Variants in FRMPD4 observed in about 807,000 individuals in gnomAD.
FRMPD4 encodes the protein FERM and PDZ domain containing 4.
Under a neutral mutation model 94.1 loss-of-function variants are expected in FRMPD4, and 22 were observed. The ratio of observed to expected loss-of-function variants is 0.23; its 90% CI spans 0.17 to 0.33. The LOEUF (loss-of-function observed/expected upper bound fraction) is 0.33, where lower values mean the gene tolerates loss of function less well. FRMPD4 is among the 10% of genes least tolerant of loss of function. FRMPD4 has a pLI of 1.00. For synonymous variants in FRMPD4, 631 were observed against 548.6 expected (o/e 1.15, Z -2.10); for missense variants, 1,111 against 1,339.9 (o/e 0.83, Z 2.67).
chrX:11,844,303 T>G (rs2053560827), intron 1 of FRMPD4, among the ~76,000 whole-genome samples: 1 of 111,134 alleles, frequency 9.0e-6, no homozygotes, highest in African/African-American at 3.3e-5. Context: ...GGCCTGATAG[T>G]TATGAATTCT....
At chrX:12,317,765 T>A (rs2055148633) in intron 1 of FRMPD4, among the ~76,000 whole-genome samples, 1 of 111,430 alleles carries the variant, frequency 9.0e-6, no homozygotes, top group South Asian at 3.8e-4. Context: ...TGAGATATCA[T>A]CTCACCCCAG....
At chrX:12,137,810 T>A (rs944240305), upstream of FRMPD4, among the ~76,000 whole-genome samples, 2 of 111,761 alleles carry the variant, frequency 1.8e-5, no homozygotes, top group African/African-American at 6.6e-5. Context: ...GGCAAGGTTT[T>A]GTTTTGTTTT....
At chrX:12,311,357 C>G (rs1423713231) in intron 1 of FRMPD4, among the ~76,000 whole-genome samples, 1 of 112,316 alleles carries the variant, frequency 8.9e-6, no homozygotes. Context: ...AATATTTAAA[C>G]TCCATAAAAT....
upstream of FRMPD4, among the ~76,000 whole-genome samples, chrX:12,136,922 CACAT>C (rs774491553): frequency 1.1e-3 from 116 of 103,439 alleles, 1 homozygote; most frequent in South Asian, 0.016. Context: ...CACACACACA[CACAT>C]ACACACACAC....
chrX:12,400,802 G>T (rs2056599701), intron 1 of FRMPD4, among the ~76,000 whole-genome samples: 1 of 112,141 alleles, frequency 8.9e-6, no homozygotes, highest in South Asian at 3.7e-4. Flanking sequence ...AATTTGTGAT[G>T]ACACTGATTT....
intron 14 of FRMPD4, among the ~76,000 whole-genome samples, chrX:12,715,002 A>G (rs1045985732): frequency 8.9e-6 from 1 of 112,259 alleles, no homozygotes; most frequent in African/African-American, 3.2e-5. Context: ...TCTTAGGTAA[A>G]ACTGCACTTT....
intron 3 of FRMPD4, among the ~76,000 whole-genome samples, chrX:12,003,964 C>T (rs2054537561): frequency 8.9e-6 from 1 of 111,849 alleles, no homozygotes; most frequent in East Asian, 2.8e-4. Flanking sequence ...CTCATCTCTC[C>T]TTCCTTCTAC....
chrX:12,160,671 A>G (rs1453934386), intron 1 of FRMPD4, among the ~76,000 whole-genome samples: 1 of 111,756 alleles, frequency 8.9e-6, no homozygotes, highest in African/African-American at 3.3e-5. Flanking sequence ...TACTGCCCCA[A>G]GATATAATTA....
chrX:12,196,642 A>T (rs916970910), intron 1 of FRMPD4, among the ~76,000 whole-genome samples: 35 of 108,102 alleles, frequency 3.2e-4, no homozygotes, highest in East Asian at 2.3e-3. Context: ...TATATATATA[A>T]AAAATATATT....
intron 1 of FRMPD4, among the ~76,000 whole-genome samples, chrX:12,299,924 G>A (rs1282332156): frequency 8.9e-6 from 1 of 112,031 alleles, no homozygotes; most frequent in East Asian, 2.8e-4. Context: ...TTAAAGTAGG[G>A]GATAATCAAG....
intron 3 of FRMPD4, among the ~76,000 whole-genome samples, chrX:12,115,981 G>A (rs967843655): frequency 1.8e-5 from 2 of 111,963 alleles, no homozygotes; most frequent in East Asian, 2.8e-4. Context: ...CTAACATCCC[G>A]ATTATACAGT....
chrX:11,962,462 T>A (rs1156364566), intron 3 of FRMPD4, among the ~76,000 whole-genome samples: 1 of 111,839 alleles, frequency 8.9e-6, no homozygotes, highest in African/African-American at 3.3e-5. Context: ...TTTAACACTA[T>A]CACATTGGGT....
chrX:11,923,744 A>G (rs1043497395), intron 3 of FRMPD4, among the ~76,000 whole-genome samples: 1 of 112,441 alleles, frequency 8.9e-6, no homozygotes, highest in African/African-American at 3.2e-5. Flanking sequence ...CAAGGTCATC[A>G]AATAGGATAA....
chrX:12,032,097 G>A (rs969078175), intron 3 of FRMPD4, among the ~76,000 whole-genome samples: 1 of 112,052 alleles, frequency 8.9e-6, no homozygotes, highest in African/African-American at 3.2e-5. Flanking sequence ...AAATAAACAT[G>A]CATGCTTGGA....
chrX:12,363,342 G>A (rs1443582619), intron 1 of FRMPD4, among the ~76,000 whole-genome samples: 1 of 112,673 alleles, frequency 8.9e-6, no homozygotes, highest in Admixed American at 9.3e-5. Context: ...AGGCCCATAT[G>A]TCAAGTATTA....
At chrX:11,847,813 A>C (rs1348968710) in intron 1 of FRMPD4, among the ~76,000 whole-genome samples, 11 of 96,976 alleles carry the variant, frequency 1.1e-4, no homozygotes, top group African/African-American at 4.2e-4. Flanking sequence ...GTTCTCACTC[A>C]TAGGTGGAAA....
chrX:12,143,532 A>T (rs6640910), intron 1 of FRMPD4, among the ~76,000 whole-genome samples: 2 of 111,057 alleles, frequency 1.8e-5, no homozygotes, highest in African/African-American at 3.3e-5. Flanking sequence ...TTACAGAAAA[A>T]GTTAACTGAC....
At chrX:12,536,622 G>A (rs2148298554) in intron 2 of FRMPD4, among the ~76,000 whole-genome samples, 1 of 111,997 alleles carries the variant, frequency 8.9e-6, no homozygotes, top group Admixed American at 9.5e-5. Context: ...GCCAGTGTTT[G>A]GGTGAGTTAA....
chrX:11,902,832 A>G (rs1487604758), intron 3 of FRMPD4, among the ~76,000 whole-genome samples: 1 of 111,877 alleles, frequency 8.9e-6, no homozygotes, highest in East Asian at 2.8e-4. Flanking sequence ...GAATGGCAGA[A>G]TAAAGAGCAA....
Sources: allele counts gnomAD v4.1 joint callset (sites outside exome capture counted in the v4.1 genomes callset), GRCh38; gene constraint gnomAD v4.1.1; transcripts MANE v1.5; gene names NCBI Gene and HGNC (gene_info 2026-07-23, HGNC 2026-07-21).